Variants in SDK1 observed in about 807,000 individuals in gnomAD.
The protein encoded by SDK1 is protein sidekick-1.
A neutral mutation model predicts 245.5 loss-of-function variants in SDK1; 157 were observed. The ratio of observed to expected loss-of-function variants is 0.64; its 90% CI spans 0.56 to 0.73. The LOEUF is 0.73. SDK1 is among the 30% of genes least tolerant of loss of function. The pLI, the probability that SDK1 is intolerant of heterozygous loss-of-function variation, is 0.00. For synonymous variants in SDK1, 1,647 were observed against 1,278.5 expected (o/e 1.29, Z -6.15); for missense variants, 3,583 against 3,002.3 (o/e 1.19, Z -4.52).
intron 4 of SDK1, among the ~76,000 whole-genome samples, chr7:3,768,083 C>T (rs1251427408): frequency 6.6e-6 from 1 of 152,210 alleles, no homozygotes; most frequent in African/African-American, 2.4e-5. Flanking sequence ...AAAAGCATGG[C>T]ACAATCCCAG....
At chr7:3,455,060 A>C (rs1489987879) in intron 1 of SDK1, among the ~76,000 whole-genome samples, 1 of 151,162 alleles carries the variant, frequency 6.6e-6, no homozygotes, top group Non-Finnish European at 1.5e-5. Flanking sequence ...GCTTTAATTC[A>C]CATTTTTGTA....
chr7:3,802,808 A>T (rs930739333), intron 4 of SDK1, among the ~76,000 whole-genome samples: 7 of 152,140 alleles, frequency 4.6e-5, no homozygotes, highest in Non-Finnish European at 8.8e-5. Flanking sequence ...TTTTATTGTG[A>T]TGCCGGATTC....
chr7:3,824,012 G>C (rs1779709300), intron 5 of SDK1, among the ~76,000 whole-genome samples: 1 of 149,388 alleles, frequency 6.7e-6, no homozygotes, highest in Admixed American at 6.7e-5. Context: ...CTAAAAGTCA[G>C]AAGTCTTGAT....
chr7:3,419,074 T>G (rs35115364), intron 1 of SDK1, among the ~76,000 whole-genome samples: 1 of 152,202 alleles, frequency 6.6e-6, no homozygotes, highest in Non-Finnish European at 1.5e-5. Flanking sequence ...ATGAATACGG[T>G]ATTTTTGATC....
chr7:3,338,319 G>A, intron 1 of SDK1: 2 of 494,920 alleles, frequency 4.0e-6, no homozygotes, highest in East Asian at 4.8e-5. Context: ...AAGAGTCTAC[G>A]ATGTTACTCA....
chr7:3,369,993 GA>G (rs1348654612), intron 1 of SDK1, among the ~76,000 whole-genome samples: 1 of 152,190 alleles, frequency 6.6e-6, no homozygotes, highest in Admixed American at 6.5e-5. Context: ...AAAGGAAAAG[GA>G]CTTCTAAAAT....
chr7:4,208,320 C>T (rs747764720), intron 37 of SDK1, 35 bp downstream of exon 37: 72 of 1,590,220 alleles, frequency 4.5e-5, no homozygotes, highest in Non-Finnish European at 6.1e-5. Context: ...GGGCAGGCCT[C>T]CTTGGACACG....
At chr7:4,258,947 A>C (rs950161078) in intron 44 of SDK1, among the ~76,000 whole-genome samples, 6 of 152,244 alleles carry the variant, frequency 3.9e-5, no homozygotes, top group Non-Finnish European at 8.8e-5. Flanking sequence ...ATTTCAATAC[A>C]TGTGATTTTC....
chr7:3,896,981 A>G (rs2128103888), intron 5 of SDK1, among the ~76,000 whole-genome samples: 1 of 152,296 alleles, frequency 6.6e-6, no homozygotes, highest in Admixed American at 6.5e-5. Flanking sequence ...GTGAAGGGGA[A>G]GAAGGCATGT....
chr7:3,756,772 A>G lies in SDK1; in HGVS notation c.714-64678A>G, dbSNP rs538194349. 5.3e-5 allele frequency among the ~76,000 whole-genome samples: 8 copies of G among 151,936 alleles called. No individual in the cohort carries two copies. In the East Asian group the frequency reaches 1.2e-3, roughly 22 times the overall value. On this transcript the variant is annotated intron_variant, in intron 4 of 44. Coordinates refer to ENST00000404826, the MANE Select transcript of SDK1 (RefSeq NM_152744.4). ...TCAGGCATCTTTGGGTCGTGTCCCT[A>G]TATTTGGGTGTATCTGTTGTTTCCT...
intron 2 of SDK1, among the ~76,000 whole-genome samples, chr7:3,628,641 T>G (rs1782191878): frequency 6.6e-6 from 1 of 152,208 alleles, no homozygotes; most frequent in South Asian, 2.1e-4. Context: ...TCTAATTCTA[T>G]GGCTGAGTCC....
intron 4 of SDK1, among the ~76,000 whole-genome samples, chr7:3,718,228 G>A (rs114198815): frequency 0.028 from 4,334 of 152,132 alleles, 215 homozygotes; most frequent in African/African-American, 0.1. Context: ...AGCTGGTTGC[G>A]GTGGCTCATC....
chr7:4,252,743 T>C (rs906585938), intron 44 of SDK1, among the ~76,000 whole-genome samples: 7 of 152,138 alleles, frequency 4.6e-5, no homozygotes, highest in African/African-American at 1.7e-4. Flanking sequence ...ATCAGTGAAG[T>C]CCTCTGGTCT....
intron 44 of SDK1, among the ~76,000 whole-genome samples, chr7:4,262,500 C>T (rs926862450): frequency 6.6e-6 from 1 of 151,560 alleles, no homozygotes; most frequent in African/African-American, 2.4e-5. Flanking sequence ...GATCTTCAAA[C>T]ATCAGTGGGA....
chr7:3,329,748 CAGATTAAGA>C (rs1373864357), intron 1 of SDK1, among the ~76,000 whole-genome samples: 1 of 152,190 alleles, frequency 6.6e-6, no homozygotes, highest in Admixed American at 6.5e-5. Context: ...TGTTCAACCA[CAGATTAAGA>C]ATACTTAAAA....
intron 1 of SDK1, among the ~76,000 whole-genome samples, chr7:3,578,148 A>G (rs1356838821): frequency 1.3e-5 from 2 of 151,968 alleles, no homozygotes; most frequent in Non-Finnish European, 1.5e-5. Context: ...TCTATTTTCC[A>G]TTAGCATACA....
intron 1 of SDK1, among the ~76,000 whole-genome samples, chr7:3,355,108 C>T (rs549715543): frequency 6.6e-6 from 1 of 152,284 alleles, no homozygotes; most frequent in Non-Finnish European, 1.5e-5. Context: ...ATTCCATTGA[C>T]ACATCTTATT....
At chr7:3,413,672 G>C (rs1018071606) in intron 1 of SDK1, among the ~76,000 whole-genome samples, 5 of 152,034 alleles carry the variant, frequency 3.3e-5, no homozygotes, top group African/African-American at 1.2e-4. Flanking sequence ...GGGCAACAGA[G>C]CGAAACTTCA....
chr7:3,994,600 C>T (rs1159970761), intron 14 of SDK1, among the ~76,000 whole-genome samples: 1 of 149,666 alleles, frequency 6.7e-6, no homozygotes, highest in Non-Finnish European at 1.5e-5. Flanking sequence ...CGCGATCGCA[C>T]CAAGGCACTC....
Sources: allele counts gnomAD v4.1 joint callset (sites outside exome capture counted in the v4.1 genomes callset), GRCh38; gene constraint gnomAD v4.1.1; transcripts MANE v1.5; gene names NCBI Gene and HGNC (gene_info 2026-07-23, HGNC 2026-07-21).